GALNTL6: variants seen among roughly 807,000 people sequenced by gnomAD.
GALNTL6 encodes polypeptide N-acetylgalactosaminyltransferase like 6, also known as polypeptide N-acetylgalactosaminyltransferase-like 6.
Under a neutral mutation model 73.7 loss-of-function variants are expected in GALNTL6, and 46 were observed. The observed-to-expected ratio is 0.62, with a 90% CI of 0.49 to 0.80. GALNTL6 has a LOEUF of 0.80. Among genes scored for constraint, GALNTL6 ranks in the 30% least tolerant of loss-of-function variants. The pLI, the probability that GALNTL6 is intolerant of heterozygous loss-of-function variation, is 0.00. For missense variants in GALNTL6, 604 were observed against 755.0 expected, an observed-to-expected ratio of 0.80 and a Z score of 2.34; for synonymous variants, 259 against 263.7, an observed-to-expected ratio of 0.98 and a Z score of 0.17.
At chr4:172,689,287 C>T (rs866989395) in intron 5 of GALNTL6, among the ~76,000 whole-genome samples, 2 of 152,024 alleles carry the variant, frequency 1.3e-5, no homozygotes, top group African/African-American at 2.4e-5. Context: ...GAATTGGATA[C>T]GGAGTTAAAA....
intron 5 of GALNTL6, among the ~76,000 whole-genome samples, chr4:172,474,454 G>A (rs1733163269): frequency 6.6e-6 from 1 of 152,172 alleles, no homozygotes; most frequent in African/African-American, 2.4e-5. Flanking sequence ...TTCCCAAACT[G>A]TTTTGCCCAT....
chr4:172,101,671 T>C (rs1291125393), intron 2 of GALNTL6, among the ~76,000 whole-genome samples: 1 of 152,194 alleles, frequency 6.6e-6, no homozygotes, highest in Non-Finnish European at 1.5e-5. Context: ...AAATTTGTAA[T>C]TTAATATACT....
intron 4 of GALNTL6, among the ~76,000 whole-genome samples, chr4:172,321,549 A>G (rs761688106): frequency 6.6e-6 from 1 of 152,204 alleles, no homozygotes; most frequent in Non-Finnish European, 1.5e-5. Context: ...AGGAAACATA[A>G]TGAAAGAAAC....
At chr4:172,202,114 GCTTA>G (rs1579248379) in intron 2 of GALNTL6, among the ~76,000 whole-genome samples, 1 of 152,184 alleles carries the variant, frequency 6.6e-6, no homozygotes, top group Non-Finnish European at 1.5e-5. Context: ...TAGATATCTT[GCTTA>G]CTTACTTAAA....
intron 8 of GALNTL6, among the ~76,000 whole-genome samples, chr4:172,891,447 AT>A (rs1746025622): frequency 6.6e-6 from 1 of 152,088 alleles, no homozygotes; most frequent in African/African-American, 2.4e-5. Flanking sequence ...CTTGGTTGGA[AT>A]TTTTTTATTT....
At chr4:172,673,060 T>C (rs559506802) in intron 5 of GALNTL6, among the ~76,000 whole-genome samples, 1 of 152,226 alleles carries the variant, frequency 6.6e-6, no homozygotes, top group Non-Finnish European at 1.5e-5. Context: ...TTCTCTTGCA[T>C]TGGGATTTGT....
At chr4:172,806,867 A>T (rs537393097) in intron 5 of GALNTL6, among the ~76,000 whole-genome samples, 141 of 152,362 alleles carry the variant, frequency 9.3e-4, no homozygotes, top group African/African-American at 3.4e-3. Context: ...CCACTTGTTT[A>T]TAAATTGATG....
intron 5 of GALNTL6, among the ~76,000 whole-genome samples, chr4:172,793,805 T>C (rs984200868): frequency 6.6e-6 from 1 of 152,222 alleles, no homozygotes; most frequent in East Asian, 1.9e-4. Flanking sequence ...TTTAGACATA[T>C]GATTTATTGC....
In GALNTL6 at chr4:172,096,089, T is replaced by TGTGTGTGC. The variant is rs1192550324; in HGVS notation, c.139-133560_139-133559insCGTGTGTG. ...ATTTCTCTCTCTCTCTCTTTCTGTG[T>TGTGTGTGC]GTGTGTGTGTGTGTGTGTGTATGTG... On this transcript the variant is annotated intron_variant, in intron 2 of 12. Transcript: ENST00000506823. Among the ~76,000 whole-genome samples, 6 of 150,984 alleles carry TGTGTGTGC rather than the reference T, an allele frequency of 4.0e-5. No individual in the cohort carries two copies. In the East Asian group the frequency reaches 9.7e-4, roughly 24 times the overall value.
At chr4:172,836,654 A>T (rs1742924974) in intron 7 of GALNTL6, among the ~76,000 whole-genome samples, 1 of 152,268 alleles carries the variant, frequency 6.6e-6, no homozygotes, top group African/African-American at 2.4e-5. Flanking sequence ...TGCAACTTTA[A>T]TCAGACATGA....
intron 9 of GALNTL6, among the ~76,000 whole-genome samples, chr4:172,943,981 C>T (rs1419709799): frequency 6.6e-6 from 1 of 151,942 alleles, no homozygotes; most frequent in African/African-American, 2.4e-5. Context: ...GCACCACATA[C>T]AAAAATTAAT....
intron 5 of GALNTL6, among the ~76,000 whole-genome samples, chr4:172,422,457 T>A (rs1731084064): frequency 6.6e-6 from 1 of 152,068 alleles, no homozygotes; most frequent in African/African-American, 2.4e-5. Flanking sequence ...ACCGTCCTGA[T>A]GTTCCTCCTT....
intron 5 of GALNTL6, among the ~76,000 whole-genome samples, chr4:172,388,475 T>G (rs756255119): frequency 6.6e-6 from 1 of 152,102 alleles, no homozygotes; most frequent in Non-Finnish European, 1.5e-5. Flanking sequence ...AAGACATTTA[T>G]TAGGAAAGTT....
intron 10 of GALNTL6, among the ~76,000 whole-genome samples, chr4:172,973,548 T>G (rs1396847214): frequency 6.6e-6 from 1 of 152,084 alleles, no homozygotes; most frequent in Non-Finnish European, 1.5e-5. Context: ...TGAAGTACAA[T>G]AAAATGAAAC....
chr4:172,830,566 A>G (rs1742572108), intron 7 of GALNTL6, among the ~76,000 whole-genome samples: 1 of 152,254 alleles, frequency 6.6e-6, no homozygotes, highest in Non-Finnish European at 1.5e-5. Context: ...CAGGGAATCA[A>G]GAGGAATAAC....
chr4:172,633,554 T>G, intron 5 of GALNTL6, among the ~76,000 whole-genome samples: 1 of 152,148 alleles, frequency 6.6e-6, no homozygotes, highest in East Asian at 1.9e-4. Context: ...GGCTTATAGG[T>G]GGGAGGGACT....
intron 2 of GALNTL6, among the ~76,000 whole-genome samples, chr4:172,212,265 G>A (rs1560972001): frequency 6.6e-6 from 1 of 151,922 alleles, no homozygotes; most frequent in African/African-American, 2.4e-5. Context: ...AGGTTCAAGC[G>A]ATTCCCCTGC....
chr4:172,271,338 A>G (rs1738642357), intron 3 of GALNTL6, among the ~76,000 whole-genome samples: 1 of 152,188 alleles, frequency 6.6e-6, no homozygotes, highest in Non-Finnish European at 1.5e-5. Flanking sequence ...TTCTTTATGT[A>G]TGTATATATG....
intron 5 of GALNTL6, among the ~76,000 whole-genome samples, chr4:172,720,352 C>A (rs1337294644): frequency 6.6e-6 from 1 of 152,136 alleles, no homozygotes; most frequent in Non-Finnish European, 1.5e-5. Flanking sequence ...GAGTGCTTCC[C>A]GCCCGCCATT....
Sources: allele counts gnomAD v4.1 joint callset (sites outside exome capture counted in the v4.1 genomes callset), GRCh38; gene constraint gnomAD v4.1.1; transcripts MANE v1.5; gene names NCBI Gene and HGNC (gene_info 2026-07-23, HGNC 2026-07-21).